Variants in ADAMTSL1 observed in about 807,000 individuals in gnomAD.
The protein encoded by ADAMTSL1 is ADAMTS-like protein 1.
In ADAMTSL1, 126 loss-of-function variants were observed where a neutral mutation model predicts 201.8. That is an observed-to-expected ratio of 0.62 (90% confidence interval 0.54 to 0.72). The LOEUF (loss-of-function observed/expected upper bound fraction) is 0.72, where lower values mean the gene tolerates loss of function less well. Ranked by LOEUF, ADAMTSL1 falls within the 30% of genes least tolerant of loss-of-function variation. The pLI is 0.00. For missense variants in ADAMTSL1, 2,679 were observed against 2,277.8 expected, an observed-to-expected ratio of 1.18 and a Z score of -3.59; for synonymous variants, 1,121 against 903.4, an observed-to-expected ratio of 1.24 and a Z score of -4.32.
chr9:18,267,509 C>A (rs1832165038), intron 2 of ADAMTSL1, among the ~76,000 whole-genome samples: 1 of 152,012 alleles, frequency 6.6e-6, no homozygotes, highest in African/African-American at 2.4e-5. Flanking sequence ...TGTGCATTAC[C>A]ATGCTTCAGC....
intron 2 of ADAMTSL1, among the ~76,000 whole-genome samples, chr9:18,177,822 G>C (rs1470327943): frequency 6.6e-6 from 1 of 152,178 alleles, no homozygotes; most frequent in Non-Finnish European, 1.5e-5. Flanking sequence ...CAGCCATACA[G>C]CTAGCTTAAG....
At chr9:18,027,094 CTT>C (rs774790434) in intron 1 of ADAMTSL1, among the ~76,000 whole-genome samples, 2 of 138,664 alleles carry the variant, frequency 1.4e-5, no homozygotes. Flanking sequence ...TAGGTCTTCT[CTT>C]TTTTTTTTTT....
chr9:18,473,307 G>A (rs1821292306), upstream of ADAMTSL1, among the ~76,000 whole-genome samples: 1 of 152,178 alleles, frequency 6.6e-6, no homozygotes, highest in Non-Finnish European at 1.5e-5. Context: ...AGTTGGCAGT[G>A]CATCAAAACC....
intron 1 of ADAMTSL1, among the ~76,000 whole-genome samples, chr9:18,106,802 G>A (rs910180239): frequency 7.2e-5 from 11 of 152,178 alleles, no homozygotes; most frequent in Non-Finnish European, 1.5e-4. Context: ...GCATCTTTTA[G>A]ATGAGGTTCT....
Position 18,777,331 on chromosome 9 carries a change from G to A in ADAMTSL1, c.3102G>A (p.Trp1034Ter). Reference protein sequence around the residue: ...LVSRLLEQGGWPGELLASWEA... With the variant: ...LVSRLLEQGG ...CCCGGCTGCTGGAGCAGGGCGGCTG[G>A]CCCGGAGAGCTGCTGGCCTCGTGGG... The change falls in exon 19 of 29, where the codon TGG (tryptophan) becomes TGA (stop). Residue 1034 changes from tryptophan to a stop codon, truncating the protein, a stop_gained. Transcript: ENST00000380548. LOFTEE classifies it high-confidence loss of function. The A allele has an allele frequency of 1.2e-6, 2 of 1,601,696 alleles. No individual in the cohort carries two copies. Among genetic ancestry groups the A allele is most frequent in the East Asian group, 2.3e-5 (1 of 44,362 alleles).
chr9:17,977,738 T>G (rs1588510844), intron 1 of ADAMTSL1, among the ~76,000 whole-genome samples: 1 of 152,154 alleles, frequency 6.6e-6, no homozygotes, highest in African/African-American at 2.4e-5. Context: ...CTGCAGAAGG[T>G]TTTGTGTGTT....
intron 1 of ADAMTSL1, among the ~76,000 whole-genome samples, chr9:17,988,583 TA>T (rs1256150418): frequency 6.6e-6 from 1 of 151,516 alleles, no homozygotes; most frequent in Non-Finnish European, 1.5e-5. Context: ...TTAAGAAATT[TA>T]TTGGAAGAGA....
chr9:18,329,687 C>G (rs1348181941), intron 2 of ADAMTSL1, among the ~76,000 whole-genome samples: 1 of 152,196 alleles, frequency 6.6e-6, no homozygotes, highest in Non-Finnish European at 1.5e-5. Context: ...AGCCATGTAT[C>G]CCAAGTGCTG....
chr9:18,066,120 G>C (rs1307962674), intron 1 of ADAMTSL1, among the ~76,000 whole-genome samples: 1 of 151,046 alleles, frequency 6.6e-6, no homozygotes, highest in Non-Finnish European at 1.5e-5. Flanking sequence ...TTAATATAGT[G>C]TCACTATGTT....
chr9:18,081,529 G>A (rs188434668), intron 1 of ADAMTSL1, among the ~76,000 whole-genome samples: 1 of 152,120 alleles, frequency 6.6e-6, no homozygotes, highest in Non-Finnish European at 1.5e-5. Flanking sequence ...TATGCAGGTG[G>A]ATCAGGGCAA....
At chr9:18,372,098 C>A (rs1440426090) in intron 2 of ADAMTSL1, among the ~76,000 whole-genome samples, 1 of 152,220 alleles carries the variant, frequency 6.6e-6, no homozygotes, top group Non-Finnish European at 1.5e-5. Context: ...AACTGCACTT[C>A]CTCAATGACT....
At chr9:18,349,567 T>C (rs1482935620) in intron 2 of ADAMTSL1, among the ~76,000 whole-genome samples, 1 of 152,190 alleles carries the variant, frequency 6.6e-6, no homozygotes. Flanking sequence ...AATGCAATTG[T>C]GTGGCATATA....
rs544909280 is a variant in ADAMTSL1 at position 18,441,833 on chromosome 9, A to G, written c.208-62996A>G. Among the ~76,000 whole-genome samples the G allele has an allele frequency of 2.7e-4, 41 of 152,338 alleles. 1 individual carries two copies. The highest frequency in any genetic ancestry group is 9.1e-4 in the African/African-American group (38 of 41,578). ...GGTTGAGAGAATACAGTTTTGATCT[A>G]TATTACCTGGAACAAAAGGTCCTCA... On this transcript the variant is annotated intron_variant, in intron 2 of 29. Coordinates refer to the ADAMTSL1 transcript ENST00000680146.
chr9:18,183,105 A>T (rs980424202), intron 2 of ADAMTSL1, among the ~76,000 whole-genome samples: 2 of 152,210 alleles, frequency 1.3e-5, no homozygotes, highest in Non-Finnish European at 2.9e-5. Flanking sequence ...GATCTTTGAT[A>T]AAGGAGCAAA....
At chr9:18,869,347 T>A (rs1827742919) in intron 23 of ADAMTSL1, among the ~76,000 whole-genome samples, 1 of 152,214 alleles carries the variant, frequency 6.6e-6, no homozygotes, top group Admixed American at 6.5e-5. Flanking sequence ...AATACACCCT[T>A]CCATGCTTTG....
chr9:18,296,967 C>A (rs533005786), intron 2 of ADAMTSL1, among the ~76,000 whole-genome samples: 6 of 152,160 alleles, frequency 3.9e-5, no homozygotes, highest in African/African-American at 1.4e-4. Context: ...AGAAAACATC[C>A]CAGAACTGCC....
At chr9:18,262,328 A>G (rs1257076073) in intron 2 of ADAMTSL1, among the ~76,000 whole-genome samples, 1 of 152,260 alleles carries the variant, frequency 6.6e-6, no homozygotes, top group African/African-American at 2.4e-5. Flanking sequence ...GCTTCAACCA[A>G]TGCATGTCCA....
chr9:18,908,680 TCCTCCA>T lies in ADAMTSL1; in HGVS notation c.*142_*147del, dbSNP rs1255976869. On this transcript the variant is annotated 3_prime_UTR_variant, in exon 29 of 29. Coordinates refer to ENST00000380548, the MANE Select transcript of ADAMTSL1 (RefSeq NM_001040272.6). ...CCACTCCACACACACCCTTCCAACC[TCCTCCA>T]CCTCCACCTTCAAGCATAAGGACGT... The T allele has an allele frequency of 1.5e-6, 1 of 669,082 alleles. No individual in the cohort carries two copies. The highest frequency in any genetic ancestry group is 2.5e-6 in the Non-Finnish European group (1 of 398,038). 41.4% of individuals were successfully genotyped at this position (669,082 alleles called of 1,614,324 possible).
At chr9:18,130,812 C>T (rs1825919660) in intron 1 of ADAMTSL1, among the ~76,000 whole-genome samples, 1 of 152,160 alleles carries the variant, frequency 6.6e-6, no homozygotes, top group Non-Finnish European at 1.5e-5. Flanking sequence ...TTCTCTGCTA[C>T]AGCCTTAGAA....
Sources: allele counts gnomAD v4.1 joint callset (sites outside exome capture counted in the v4.1 genomes callset), GRCh38; gene constraint gnomAD v4.1.1; transcripts MANE v1.5; gene names NCBI Gene and HGNC (gene_info 2026-07-23, HGNC 2026-07-21).